The following SLC2A10 variants were observed in gnomAD, a reference collection of about 807,000 sequenced individuals.
The protein encoded by SLC2A10 is solute carrier family 2 member 10.
A neutral mutation model predicts 32.1 loss-of-function variants in SLC2A10; 25 were observed. The ratio of observed to expected loss-of-function variants is 0.78; its 90% CI spans 0.57 to 1.09. The LOEUF is 1.09. SLC2A10 is among the 50% of genes least tolerant of loss of function. The probability of loss-of-function intolerance (pLI) is 0.00; values close to 1 mark genes in which losing one functional copy is unlikely to be tolerated. For missense variants in SLC2A10, 673 were observed against 686.5 expected, an observed-to-expected ratio of 0.98 and a Z score of 0.22; for synonymous variants, 332 against 309.6, an observed-to-expected ratio of 1.07 and a Z score of -0.76.
chr20:46,713,605 A>T (rs1600656201), intron 1 of SLC2A10, among the ~76,000 whole-genome samples: 1 of 152,222 alleles, frequency 6.6e-6, no homozygotes, highest in South Asian at 2.1e-4. Flanking sequence ...AGACTGAAAT[A>T]GGAGCCTTGG....
At chr20:46,716,392 A>T (rs1043459524) in intron 1 of SLC2A10, among the ~76,000 whole-genome samples, 3 of 152,044 alleles carry the variant, frequency 2.0e-5, no homozygotes, top group African/African-American at 7.2e-5. Context: ...GCCTCAAGTG[A>T]TCCGCCCGCC....
intron 1 of SLC2A10, among the ~76,000 whole-genome samples, chr20:46,715,715 G>T (rs1055273918): frequency 2.0e-5 from 3 of 152,194 alleles, no homozygotes; most frequent in Admixed American, 2.0e-4. Flanking sequence ...AGGGACCCAA[G>T]CAAGAGAACA....
At chr20:46,728,604 GTTTTTTTT>G (rs778644499) in intron 3 of SLC2A10, among the ~76,000 whole-genome samples, 4 of 101,340 alleles carry the variant, frequency 3.9e-5, no homozygotes, top group African/African-American at 7.8e-5. Flanking sequence ...TTCTGGGTGT[GTTTTTTTT>G]TTTTTTTTTT....
intron 1 of SLC2A10, among the ~76,000 whole-genome samples, chr20:46,711,080 C>A (rs1978882661): frequency 6.8e-6 from 1 of 146,182 alleles, no homozygotes; most frequent in South Asian, 2.1e-4. Context: ...ACCATGTTGG[C>A]CAGGATGTCT....
chr20:46,709,971 C>T, intron 1 of SLC2A10: 1 of 555,856 alleles, frequency 1.8e-6, no homozygotes, highest in Non-Finnish European at 3.1e-6. Flanking sequence ...AGTGGCCCCT[C>T]ACTTGCTGCA....
chr20:46,709,439 G>A, upstream of SLC2A10: 1 of 434,424 alleles, frequency 2.3e-6, no homozygotes, highest in Non-Finnish European at 4.0e-6. Context: ...CCAACGAAGG[G>A]GACCCGGGAG....
chr20:46,722,918 C>G (rs1361909416), intron 1 of SLC2A10, among the ~76,000 whole-genome samples: 2 of 152,202 alleles, frequency 1.3e-5, no homozygotes, highest in Admixed American at 6.5e-5. Flanking sequence ...TGCTATATAG[C>G]ATTTCTTCTT....
rs1279923014 is a variant in SLC2A10 at position 46,729,408 on chromosome 20, C to T, written c.1467C>T (p.Gly489=). 1 of 1,614,054 alleles carries T rather than the reference C, an allele frequency of 6.2e-7. No individual in the cohort carries two copies. Among genetic ancestry groups the T allele is most frequent in the Non-Finnish European group, 8.5e-7 (1 of 1,180,006 alleles). Residue 489 remains glycine (G), a synonymous_variant, in exon 4 of 5, where the codon GGC becomes GGT. Coordinates refer to ENST00000359271, the MANE Select transcript of SLC2A10 (RefSeq NM_030777.4). The part of the protein sequence containing the change: ...FLLYGLTAVL[G]LGFIYLFVPE... ...TCTACGGACTGACCGCTGTCCTCGG[C>T]CTGGGCTTCATCTATTTATTTGTTC...
intron 1 of SLC2A10, chr20:46,709,945 C>T: frequency 1.7e-6 from 1 of 576,784 alleles, no homozygotes; most frequent in Non-Finnish European, 3.0e-6. Context: ...TTCCATCTTC[C>T]TTTCTGCCCC....
At chr20:46,709,497 C>A (rs944225546), upstream of SLC2A10, 2 of 459,530 alleles carry the variant, frequency 4.4e-6, no homozygotes, top group African/African-American at 4.1e-5. Context: ...GGAGGGGGTC[C>A]TTGCCAGGCC....
At chr20:46,710,051 C>G (rs144073179) in intron 1 of SLC2A10, 1 of 493,208 alleles carries the variant, frequency 2.0e-6, no homozygotes, top group Admixed American at 4.2e-5. Context: ...GCAGCTGTTC[C>G]TGGTCTGCAG....
At chr20:46,726,566 T>A (rs1345549185) in intron 2 of SLC2A10, among the ~76,000 whole-genome samples, 1 of 152,188 alleles carries the variant, frequency 6.6e-6, no homozygotes, top group Admixed American at 6.5e-5. Flanking sequence ...TCAGGTCCCT[T>A]AAAGCCCGGA....
intron 4 of SLC2A10, among the ~76,000 whole-genome samples, chr20:46,732,664 G>A (rs1175911424): frequency 6.6e-6 from 1 of 152,128 alleles, no homozygotes; most frequent in African/African-American, 2.4e-5. Flanking sequence ...CAAGCACGGT[G>A]ATATTTTTGT....
rs180998886 is a variant in SLC2A10, at chr20:46,727,386, T to C, written c.1411+400T>C. Reference sequence around the variant, plus strand: ...CCCAGGCTGGAGTGCAGTGGCACAATCTCAGCTCACTGCAACCTCCACCTC... The same window carrying C: ...CCCAGGCTGGAGTGCAGTGGCACAACCTCAGCTCACTGCAACCTCCACCTC... On this transcript the variant is annotated intron_variant, in intron 3 of 4. Transcript: ENST00000359271. Among the ~76,000 whole-genome samples the C allele has an allele frequency of 7.8e-3, 1,183 of 152,244 alleles. 3 individuals are homozygous for C. Among genetic ancestry groups the C allele is most frequent in the Non-Finnish European group, 0.013 (866 of 68,006 alleles).
At chr20:46,729,648 T>TTG (rs1980183520) in intron 4 of SLC2A10, among the ~76,000 whole-genome samples, 160 bp downstream of exon 4, 1 of 84,500 alleles carries the variant, frequency 1.2e-5, no homozygotes. Flanking sequence ...TTTTTTTTTT[T>TTG]TTTTTTTTTT....
At chr20:46,714,568 C>CA (rs1178461663) in intron 1 of SLC2A10, 1 of 152,702 alleles carries the variant, frequency 6.5e-6, no homozygotes, top group Non-Finnish European at 1.5e-5. Context: ...GGAACAAGGA[C>CA]AGTGCACGTA....
At chr20:46,721,009 G>C (rs879798079) in intron 1 of SLC2A10, among the ~76,000 whole-genome samples, 4 of 152,162 alleles carry the variant, frequency 2.6e-5, no homozygotes, top group Non-Finnish European at 5.9e-5. Flanking sequence ...GGAGGCCCCT[G>C]TCTGTTGCCT....
rs769340563 is a variant in SLC2A10, at chr20:46,725,498, C to G, written c.462C>G (p.Asn154Lys). 19 of 1,614,094 alleles carry G rather than the reference C, an allele frequency of 1.2e-5. No individual in the cohort carries two copies. The highest frequency in any genetic ancestry group is 1.4e-5 in the Non-Finnish European group (17 of 1,180,036). Residue 154 changes from asparagine to lysine, a missense_variant, in exon 2 of 5, where the codon AAC becomes AAG. Coordinates refer to ENST00000359271, the MANE Select transcript of SLC2A10 (RefSeq NM_030777.4). Reference sequence around the variant, plus strand: ...GCATCCTGCTCTCCTATGCCCTCAACTATGCACTGGCTGGTACCCCCTGGG... The same window carrying G: ...GCATCCTGCTCTCCTATGCCCTCAAGTATGCACTGGCTGGTACCCCCTGGG... ...TVGILLSYAL[N>K]YALAGTPWGW... is the part of the protein sequence containing the mutation.
At chr20:46,721,522 G>A (rs1016184944) in intron 1 of SLC2A10, among the ~76,000 whole-genome samples, 6 of 151,770 alleles carry the variant, frequency 4.0e-5, no homozygotes, top group African/African-American at 1.5e-4. Context: ...CTAATTGGGA[G>A]CTTTTAAATT....
Sources: gnomAD v4.1 joint callset for allele counts (sites outside exome capture counted in the v4.1 genomes callset) on GRCh38, gnomAD v4.1.1 for gene constraint, MANE v1.5 for transcripts, NCBI Gene and HGNC (gene_info 2026-07-23, HGNC 2026-07-21) for gene names.